PRAC2: variants seen among roughly 807,000 people sequenced by gnomAD.
The protein encoded by PRAC2 is protein PRAC2.
For synonymous variants in PRAC2, 43 were observed against 49.5 expected (o/e 0.87, Z 0.55); for missense variants, 92 against 114.5 (o/e 0.80, Z 0.90).
upstream of PRAC2, chr17:48,722,256 C>G: frequency 7.1e-7 from 1 of 1,415,522 alleles, no homozygotes; most frequent in Non-Finnish European, 1.0e-6. Flanking sequence ...CCAGGGCCTC[C>G]TGATGCAGCT....
upstream of PRAC2, among the ~76,000 whole-genome samples, chr17:48,718,903 C>T (rs1489416091): frequency 6.6e-6 from 1 of 152,296 alleles, no homozygotes; most frequent in African/African-American, 2.4e-5. Context: ...TCGGCGGGGA[C>T]CTGACTCCCT....
chr17:48,723,483 A>C (rs574957019), intron 1 of PRAC2, among the ~76,000 whole-genome samples, 170 bp downstream of exon 1: 4 of 152,146 alleles, frequency 2.6e-5, no homozygotes. Context: ...GCTGCAGGGA[A>C]GAGAAGTTTG....
At chr17:48,722,246 C>T, upstream of PRAC2, 1 of 1,316,218 alleles carries the variant, frequency 7.6e-7, no homozygotes, top group South Asian at 1.2e-5. Flanking sequence ...AGACCCTCTC[C>T]CAGGGCCTCC....
chr17:48,723,412 A>T (rs1198933631), intron 1 of PRAC2, 99 bp downstream of exon 1: 1 of 312,792 alleles, frequency 3.2e-6, no homozygotes, highest in Non-Finnish European at 5.8e-6. Context: ...CCTGAAGGAA[A>T]CCCAATTAGA....
At position 48,724,746 on chromosome 17, in the gene PRAC2, C is replaced by T; in HGVS notation, c.*63C>T. 1 of 869,296 alleles carries T rather than the reference C, an allele frequency of 1.2e-6. No homozygotes were observed. The highest frequency in any genetic ancestry group is 1.5e-6 in the Non-Finnish European group (1 of 657,324). The allele number at this position is 869,296 out of a possible 1,614,324, so 53.8% of individuals were successfully genotyped here. On this transcript the variant is annotated 3_prime_UTR_variant, in exon 2 of 2. Transcript: ENST00000422730. ...GTCCTAACACACCAGTGGAATAAAT[C>T]TCTAAGATTCCACATCTTTTGTTTG...
chr17:48,723,895 C>A, intron 1 of PRAC2: 1 of 695,276 alleles, frequency 1.4e-6, no homozygotes, highest in Non-Finnish European at 2.0e-6. Context: ...CCCTGTGATC[C>A]CATTTCGTAG....
chr17:48,720,441 C>G (rs1014554901), upstream of PRAC2, among the ~76,000 whole-genome samples: 1 of 152,180 alleles, frequency 6.6e-6, no homozygotes, highest in Non-Finnish European at 1.5e-5. Flanking sequence ...GGGAAGACTC[C>G]CAGAAGCCTT....
chr17:48,723,085 T>TA (rs1398727184), upstream of PRAC2: 1 of 152,256 alleles, frequency 6.6e-6, no homozygotes, highest in Non-Finnish European at 1.5e-5. Flanking sequence ...CTGGCATCGG[T>TA]TCCTCATTGG....
chr17:48,718,890 T>C (rs1201640938), upstream of PRAC2, among the ~76,000 whole-genome samples: 1 of 152,154 alleles, frequency 6.6e-6, no homozygotes. Flanking sequence ...CTCTTCCGAT[T>C]TGTCGGCGGG....
In PRAC2 at chr17:48,724,641, G is replaced by A. The variant is rs2038186336; in HGVS notation, c.231G>A (p.Pro77=). The part of the protein sequence containing the change: ...EAPGRWKPVA[P]RTMKACPQVL... ...CAGGCCGCTGGAAGCCTGTAGCTCC[G>A]CGGACGATGAAAGCCTGCCCGCAGG... Residue 77 remains proline, a synonymous_variant, in exon 2 of 2, where the codon CCG becomes CCA. Coordinates refer to ENST00000422730, the MANE Select transcript of PRAC2 (RefSeq NM_001282275.2). 1.6e-6 allele frequency: 2 copies of A among 1,232,050 alleles called. No individual in the cohort carries two copies. The highest frequency in any genetic ancestry group is 2.0e-6 in the Non-Finnish European group (2 of 987,998). The allele number at this position is 1,232,050 out of a possible 1,614,324, so 76.3% of individuals were successfully genotyped here. A position where few individuals can be genotyped will look rare whatever the true frequency, so the allele number is the denominator to read the frequency against.
At chr17:48,720,019 C>T (rs886838377), upstream of PRAC2, among the ~76,000 whole-genome samples, 6 of 152,182 alleles carry the variant, frequency 3.9e-5, no homozygotes, top group Non-Finnish European at 7.3e-5. Context: ...CAGCCATCAA[C>T]ATGACAAAGG....
upstream of PRAC2, among the ~76,000 whole-genome samples, chr17:48,721,506 A>T (rs2038144659): frequency 6.6e-6 from 1 of 152,094 alleles, no homozygotes; most frequent in Non-Finnish European, 1.5e-5. Context: ...TTGTATTTTT[A>T]GTAGAGACAG....
At chr17:48,723,631 G>C (rs947479264) in intron 1 of PRAC2, 1 of 1,072,038 alleles carries the variant, frequency 9.3e-7, no homozygotes, top group Admixed American at 4.3e-5. Flanking sequence ...CAGGGAAGGC[G>C]GGGCGGATTC....
upstream of PRAC2, among the ~76,000 whole-genome samples, chr17:48,721,276 G>T (rs2143039042): frequency 6.6e-6 from 1 of 152,316 alleles, no homozygotes; most frequent in East Asian, 1.9e-4. Context: ...CTGAGAGGGT[G>T]CAGGAAAGGG....
chr17:48,723,571 G>A, intron 1 of PRAC2: 1 of 550,728 alleles, frequency 1.8e-6, no homozygotes, highest in Non-Finnish European at 2.7e-6. Flanking sequence ...TGCTTCGAGG[G>A]CTTTCCAGCT....
At chr17:48,719,205 GCACACAAACACACACACACA>G (rs2038121701), upstream of PRAC2, among the ~76,000 whole-genome samples, 1 of 117,658 alleles carries the variant, frequency 8.5e-6, no homozygotes, top group African/African-American at 3.8e-5. Flanking sequence ...GCACGCGCTC[GCACACAAACACACACACACA>G]CACACACACA....
At position 48,724,347 on chromosome 17, in the gene PRAC2, GA is replaced by G. The variant is rs1432002535; in HGVS notation, c.-57del. ...GCACAGGTTCCATACAAGTAAATCC[GA>G]AAAAAAGTGTGTGTGGGGGGGTCCA... On this transcript the variant is annotated 5_prime_UTR_variant, in exon 2 of 2. Transcript: ENST00000422730. 4 of 1,233,772 alleles carry G rather than the reference GA, an allele frequency of 3.2e-6. No homozygotes were observed. The highest frequency in any genetic ancestry group is 3.2e-5 in the East Asian group (1 of 31,716). The allele number at this position is 1,233,772 out of a possible 1,614,324, so 76.4% of individuals were successfully genotyped here. A position where few individuals can be genotyped will look rare whatever the true frequency, so the allele number is the denominator to read the frequency against.
chr17:48,719,740 A>C (rs1298315085), upstream of PRAC2, among the ~76,000 whole-genome samples: 2 of 152,202 alleles, frequency 1.3e-5, no homozygotes, highest in Admixed American at 1.3e-4. Flanking sequence ...CCCGACCAAA[A>C]CATTGGCCTG....
chr17:48,721,862 C>A, upstream of PRAC2: 1 of 1,540,980 alleles, frequency 6.5e-7, no homozygotes, highest in Non-Finnish European at 8.8e-7. Flanking sequence ...GCCATCACTC[C>A]TGGTCTCGCC....
Sources: gnomAD v4.1 joint callset for allele counts (sites outside exome capture counted in the v4.1 genomes callset) on GRCh38, gnomAD v4.1.1 for gene constraint, MANE v1.5 for transcripts, NCBI Gene and HGNC (gene_info 2026-07-23, HGNC 2026-07-21) for gene names.